Variants in ADAMTSL1 observed in about 807,000 individuals in gnomAD.
ADAMTSL1 encodes ADAMTS-like protein 1.
In ADAMTSL1, 126 loss-of-function variants were observed where a neutral mutation model predicts 201.8. The ratio of observed to expected loss-of-function variants is 0.62; its 90% confidence interval spans 0.54 to 0.72. ADAMTSL1 has a LOEUF of 0.72. Ranked by LOEUF, ADAMTSL1 falls within the 30% of genes least tolerant of loss-of-function variation. ADAMTSL1 has a pLI of 0.00. For missense variants in ADAMTSL1, 2,679 were observed against 2,277.8 expected (o/e 1.18, Z -3.59); for synonymous variants, 1,121 against 903.4 (o/e 1.24, Z -4.32).
chr9:18,851,181 G>A (rs1458500146), intron 23 of ADAMTSL1, among the ~76,000 whole-genome samples: 1 of 152,094 alleles, frequency 6.6e-6, no homozygotes, highest in Non-Finnish European at 1.5e-5. Context: ...TCTATGCCAA[G>A]CTCTCGATGG....
chr9:18,201,495 T>C (rs781123019), intron 2 of ADAMTSL1, among the ~76,000 whole-genome samples: 2 of 152,156 alleles, frequency 1.3e-5, no homozygotes, highest in East Asian at 3.9e-4. Flanking sequence ...GGAAAGTTCC[T>C]AAGAACATTT....
intron 2 of ADAMTSL1, among the ~76,000 whole-genome samples, chr9:18,334,090 A>G (rs1463902679): frequency 6.6e-6 from 1 of 152,182 alleles, no homozygotes; most frequent in Non-Finnish European, 1.5e-5. Flanking sequence ...TGGACAAGTT[A>G]GTGTAGCTTT....
intron 2 of ADAMTSL1, among the ~76,000 whole-genome samples, chr9:18,429,814 G>T: frequency 6.6e-6 from 1 of 151,808 alleles, no homozygotes; most frequent in East Asian, 1.9e-4. Flanking sequence ...TTTTGAGATG[G>T]AGTCTCGCTC....
chr9:18,465,150 A>G (rs1820954544), intron 2 of ADAMTSL1, among the ~76,000 whole-genome samples: 1 of 152,230 alleles, frequency 6.6e-6, no homozygotes, highest in Non-Finnish European at 1.5e-5. Flanking sequence ...AATCAAAGCC[A>G]GGGGCATAAT....
intron 2 of ADAMTSL1, among the ~76,000 whole-genome samples, chr9:18,172,378 A>T (rs1282574020): frequency 6.6e-6 from 1 of 152,130 alleles, no homozygotes. Context: ...CACATGAAAG[A>T]GGTTCTCAGC....
At chr9:18,270,961 T>C (rs1158692268) in intron 2 of ADAMTSL1, among the ~76,000 whole-genome samples, 1 of 152,114 alleles carries the variant, frequency 6.6e-6, no homozygotes, top group Non-Finnish European at 1.5e-5. Context: ...GACCACAAGA[T>C]GGAAGGGGCC....
intron 23 of ADAMTSL1, among the ~76,000 whole-genome samples, chr9:18,838,337 G>A (rs1054476826): frequency 2.7e-5 from 4 of 148,056 alleles, no homozygotes; most frequent in Non-Finnish European, 4.4e-5. Context: ...TGAGATTTGG[G>A]TGGGGACACA....
chr9:17,992,549 G>T (rs907010009), intron 1 of ADAMTSL1, among the ~76,000 whole-genome samples: 9 of 152,060 alleles, frequency 5.9e-5, no homozygotes, highest in African/African-American at 2.2e-4. Context: ...GACTGAGGTC[G>T]GGGGATCACT....
chr9:18,409,430 A>G (rs377523207), intron 2 of ADAMTSL1, among the ~76,000 whole-genome samples: 218 of 151,276 alleles, frequency 1.4e-3, no homozygotes, highest in Non-Finnish European at 1.9e-3. Context: ...AAGAAAACTG[A>G]CATCCAAAGA....
chr9:18,683,510 G>A (rs1486718819), intron 12 of ADAMTSL1, among the ~76,000 whole-genome samples: 1 of 152,124 alleles, frequency 6.6e-6, no homozygotes, highest in East Asian at 1.9e-4. Flanking sequence ...TTACAGGCGT[G>A]AGCCTCCACG....
Position 18,419,069 on chromosome 9 carries a change from G to A in ADAMTSL1, c.208-85760G>A, listed in dbSNP as rs149095380. On this transcript the variant is annotated intron_variant, in intron 2 of 29. Transcript: ENST00000680146. The stretch of plus-strand genomic sequence containing the variant: ...GCCAATTGATTTTTGGCAAAGTTGC[G>A]TAGCAACTCAATTGAGAAAGAATTG... Among the ~76,000 whole-genome samples the A allele has an allele frequency of 6.6e-4, 100 of 152,300 alleles. No homozygotes were observed. The South Asian group carries it at 8.1e-3, about 12-fold the overall frequency.
intron 23 of ADAMTSL1, among the ~76,000 whole-genome samples, chr9:18,833,686 TC>T (rs1299119599): frequency 1.3e-5 from 2 of 152,170 alleles, no homozygotes; most frequent in African/African-American, 2.4e-5. Context: ...GTGCAGACGC[TC>T]TTTAATTAGA....
At chr9:18,530,064 C>G (rs1819345467) in intron 2 of ADAMTSL1, among the ~76,000 whole-genome samples, 1 of 152,142 alleles carries the variant, frequency 6.6e-6, no homozygotes. Context: ...CTCATTTAAA[C>G]TATTGAAACA....
intron 2 of ADAMTSL1, among the ~76,000 whole-genome samples, chr9:18,419,237 A>G (rs1021823292): frequency 1.3e-5 from 2 of 152,232 alleles, no homozygotes; most frequent in Non-Finnish European, 2.9e-5. Context: ...GTAAAACTAT[A>G]AAACTTTTCA....
At chr9:18,479,088 A>G (rs1169607639) in intron 1 of ADAMTSL1, among the ~76,000 whole-genome samples, 1 of 152,200 alleles carries the variant, frequency 6.6e-6, no homozygotes, top group Non-Finnish European at 1.5e-5. Flanking sequence ...AACTGGGGTA[A>G]GCTGTTGCTA....
At chr9:18,882,540 C>A (rs1412543802) in intron 23 of ADAMTSL1, among the ~76,000 whole-genome samples, 1 of 152,134 alleles carries the variant, frequency 6.6e-6, no homozygotes, top group Non-Finnish European at 1.5e-5. Context: ...GTGCCCGGAT[C>A]CCAGGAGATC....
intron 1 of ADAMTSL1, among the ~76,000 whole-genome samples, chr9:18,064,649 G>A (rs1486877693): frequency 2.0e-5 from 3 of 151,702 alleles, no homozygotes; most frequent in East Asian, 1.9e-4. Flanking sequence ...AGAGGTAGAC[G>A]AGTTGATGAA....
At chr9:18,660,819 A>G (rs1829045479) in intron 8 of ADAMTSL1, among the ~76,000 whole-genome samples, 1 of 150,576 alleles carries the variant, frequency 6.6e-6, no homozygotes, top group Admixed American at 6.6e-5. Context: ...CCTTTTTTTT[A>G]GGGTCTTTAA....
At chr9:18,138,993 C>G (rs1468635111) in intron 1 of ADAMTSL1, among the ~76,000 whole-genome samples, 1 of 152,080 alleles carries the variant, frequency 6.6e-6, no homozygotes, top group African/African-American at 2.4e-5. Context: ...TTACTTGTGT[C>G]TGCCACTAAG....
Sources: allele counts gnomAD v4.1 joint callset (sites outside exome capture counted in the v4.1 genomes callset), GRCh38; gene constraint gnomAD v4.1.1; transcripts MANE v1.5; gene names NCBI Gene and HGNC (gene_info 2026-07-23, HGNC 2026-07-21).